FAT1: variants seen among roughly 807,000 people sequenced by gnomAD.
FAT1 encodes the protein FAT atypical cadherin 1.
In FAT1, 171 loss-of-function variants were observed where a neutral mutation model predicts 329.8. The ratio of observed to expected loss-of-function variants is 0.52; its 90% CI spans 0.46 to 0.59. The LOEUF (loss-of-function observed/expected upper bound fraction) is 0.59, where lower values mean the gene tolerates loss of function less well. Among genes scored for constraint, FAT1 ranks in the 20% least tolerant of loss-of-function variants. The pLI is 0.00. For missense variants in FAT1, 5,672 were observed against 5,774.4 expected (o/e 0.98, Z 0.57); for synonymous variants, 2,233 against 2,228.6 (o/e 1.00, Z -0.06).
intron 3 of FAT1, among the ~76,000 whole-genome samples, chr4:186,640,712 T>G (rs115671368): frequency 5.3e-5 from 8 of 152,364 alleles, no homozygotes; most frequent in Non-Finnish European, 1.2e-4. Context: ...TTGACCTCTC[T>G]TGAGAACTTT....
intron 9 of FAT1, among the ~76,000 whole-genome samples, chr4:186,624,461 T>A (rs954347613): frequency 6.6e-6 from 1 of 152,196 alleles, no homozygotes; most frequent in Non-Finnish European, 1.5e-5. Context: ...AATAAGTATA[T>A]TTATTTATGG....
chr4:186,715,717 A>G (rs1219642280), intron 1 of FAT1, among the ~76,000 whole-genome samples: 2 of 152,204 alleles, frequency 1.3e-5, no homozygotes, highest in Non-Finnish European at 2.9e-5. Context: ...TTAGAAGGTG[A>G]TCACACTACT....
rs917495467 is a variant in FAT1 at position 186,666,188 on chromosome 4, A to T, written c.3266-2575T>A. Among the ~76,000 whole-genome samples, 3 of 18,374 alleles carry T rather than the reference A, an allele frequency of 1.6e-4. No homozygotes were observed. In the African/African-American group the frequency reaches 6.1e-3, roughly 37 times the overall value. The allele number at this position is 18,374 out of a possible 152,430, so 12.1% of individuals were successfully genotyped here. ...TACCCTAGAACTTAAAGGATAGTAA[A>T]AAAAAAAAAATGAAATAAAATAAAA... On this transcript the variant is annotated intron_variant, in intron 2 of 26. Coordinates refer to ENST00000441802, the MANE Select transcript of FAT1 (RefSeq NM_005245.4).
intron 2 of FAT1, among the ~76,000 whole-genome samples, chr4:186,677,082 G>C (rs6818490): frequency 6.6e-6 from 1 of 151,906 alleles, no homozygotes; most frequent in Non-Finnish European, 1.5e-5. Context: ...CAAATTTTTA[G>C]AAACTTCTTT....
At chr4:186,608,328 T>C (rs1362111640) in intron 16 of FAT1, among the ~76,000 whole-genome samples, 4 of 152,232 alleles carry the variant, frequency 2.6e-5, no homozygotes, top group African/African-American at 4.8e-5. Flanking sequence ...TAGTACCTAA[T>C]ACAGTATCAA....
intron 3 of FAT1, among the ~76,000 whole-genome samples, chr4:186,641,129 T>C (rs1349409497): frequency 1.3e-5 from 2 of 152,268 alleles, no homozygotes; most frequent in Non-Finnish European, 2.9e-5. Context: ...GTGTTTTCAC[T>C]TAATTCAAAG....
chr4:186,638,497 A>C (rs1237589280), intron 4 of FAT1, among the ~76,000 whole-genome samples: 1 of 152,148 alleles, frequency 6.6e-6, no homozygotes. Flanking sequence ...AATGAATTCA[A>C]GCGAACTTTA....
chr4:186,718,743 C>G (rs1336984563), intron 1 of FAT1, among the ~76,000 whole-genome samples: 1 of 152,190 alleles, frequency 6.6e-6, no homozygotes, highest in Non-Finnish European at 1.5e-5. Context: ...TCTTATTCTT[C>G]TCTTTTTTTA....
intron 1 of FAT1, among the ~76,000 whole-genome samples, chr4:186,719,432 G>A (rs1270995642): frequency 1.3e-5 from 2 of 152,142 alleles, no homozygotes; most frequent in African/African-American, 4.8e-5. Flanking sequence ...TCAGATTTGG[G>A]TATAAAATCC....
In FAT1 at chr4:186,636,747, C is replaced by G. The variant is rs778406783; in HGVS notation, c.3810G>C (p.Pro1270=). ...TGTCGGTGGCTATGACGTGATAGAGCGGCTCCCGTCTGGCATTTCTTTCTC... is the reference window on the plus strand; with the variant it reads ...TGTCGGTGGCTATGACGTGATAGAGGGGCTCCCGTCTGGCATTTCTTTCTC... The part of the protein sequence containing the change: ...PDRERNARRE[P]LYHVIATDKD... The change falls in exon 5 of 27, where the codon CCG becomes CCC. Residue 1270 remains proline (P), a synonymous_variant. Transcript: ENST00000441802. The G allele has an allele frequency of 6.2e-7, 1 of 1,613,830 alleles. No homozygotes were observed. The highest frequency in any genetic ancestry group is 8.5e-7 in the Non-Finnish European group (1 of 1,179,858).
At chr4:186,705,944 C>G (rs1282291439) in intron 2 of FAT1, among the ~76,000 whole-genome samples, 2 of 152,158 alleles carry the variant, frequency 1.3e-5, no homozygotes, top group African/African-American at 2.4e-5. Context: ...TCTAAGAAGT[C>G]ATTTGCTTGT....
At chr4:186,720,187 G>T (rs538770944) in intron 1 of FAT1, among the ~76,000 whole-genome samples, 2 of 152,120 alleles carry the variant, frequency 1.3e-5, no homozygotes, top group African/African-American at 4.8e-5. Flanking sequence ...CTTCCCTTCC[G>T]AAAGATAATG....
chr4:186,693,369 G>A (rs1485466361), intron 2 of FAT1, among the ~76,000 whole-genome samples: 1 of 145,948 alleles, frequency 6.9e-6, no homozygotes, highest in Non-Finnish European at 1.5e-5. Context: ...ACCTGTGGCT[G>A]GATGAACGAA....
rs151205063 is a variant in FAT1 at position 186,608,365 on chromosome 4, G to A, written c.10206+818C>T. 1.6e-3 allele frequency among the ~76,000 whole-genome samples: 246 copies of A among 151,992 alleles called. 1 individual carries two copies. The highest frequency in any genetic ancestry group is 5.6e-3 in the African/African-American group (232 of 41,462). On this transcript the variant is annotated intron_variant, in intron 16 of 26. Coordinates refer to ENST00000441802, the MANE Select transcript of FAT1 (RefSeq NM_005245.4). ...GCAATGTAAATGGTTGTTATACTGC[G>A]GGTCGGGGTTGTATTTTTTTTGTTG...
chr4:186,676,738 T>C (rs1742975070), intron 2 of FAT1, among the ~76,000 whole-genome samples: 1 of 152,190 alleles, frequency 6.6e-6, no homozygotes, highest in Non-Finnish European at 1.5e-5. Flanking sequence ...TAAACAGAAC[T>C]CTCTCCAAAG....
At chr4:186,717,018 C>T (rs143359438) in intron 1 of FAT1, among the ~76,000 whole-genome samples, 6,238 of 152,274 alleles carry the variant, frequency 0.041, 182 homozygotes, top group Non-Finnish European at 0.068. Flanking sequence ...CCACCCACCT[C>T]AGCCTCCCAA....
At chr4:186,630,598 A>G (rs185501272) in intron 7 of FAT1, among the ~76,000 whole-genome samples, 2 of 152,258 alleles carry the variant, frequency 1.3e-5, no homozygotes, top group Admixed American at 1.3e-4. Context: ...CTGATGTGCA[A>G]CAAGACTATG....
chr4:186,636,842 T>A lies in FAT1; in HGVS notation c.3715A>T (p.Asn1239Tyr), dbSNP rs2126564791. Residue 1239 changes from asparagine to tyrosine, a missense_variant, in exon 5 of 27, where the codon AAT (asparagine) becomes TAT (tyrosine). Asn to Tyr is a moderately radical substitution (Grantham distance 143). This residue lies in a region of FAT1 where 3,966 missense variants were observed against 3,915.2 expected (regional missense o/e 1.01). Coordinates refer to ENST00000441802, the MANE Select transcript of FAT1 (RefSeq NM_005245.4). Reference sequence around the variant, plus strand: ...TGCAGAAACTGAGGTTTGTTGTCATTTTCATCAAGGATTTTCACAATGACT... The same window carrying A: ...TGCAGAAACTGAGGTTTGTTGTCATATTCATCAAGGATTTTCACAATGACT... ...ARVIVKILDE[N>Y]DNKPQFLQKF... The A allele has an allele frequency of 6.2e-7, 1 of 1,614,000 alleles. No individual in the cohort carries two copies. Among genetic ancestry groups the A allele is most frequent in the Non-Finnish European group, 8.5e-7 (1 of 1,179,886 alleles).
intron 6 of FAT1, among the ~76,000 whole-genome samples, chr4:186,634,194 A>C (rs1019657591): frequency 1.3e-5 from 2 of 152,196 alleles, no homozygotes; most frequent in African/African-American, 4.8e-5. Context: ...TACTAACAAA[A>C]CTTTCTGATA....
Sources: gnomAD v4.1 joint callset for allele counts (sites outside exome capture counted in the v4.1 genomes callset) on GRCh38, gnomAD v4.1.1 for gene constraint, gnomAD v4.1.1 regional missense constraint, MANE v1.5 for transcripts, NCBI Gene and HGNC (gene_info 2026-07-23, HGNC 2026-07-21) for gene names.